SLC35D2: variants seen among roughly 807,000 people sequenced by gnomAD.
The protein encoded by SLC35D2 is solute carrier family 35 member D2, also known as nucleotide sugar transporter SLC35D2.
In SLC35D2, 43 loss-of-function variants were observed where a neutral mutation model predicts 41.8. That is an observed-to-expected ratio of 1.03 (90% CI 0.81 to 1.33). The LOEUF (loss-of-function observed/expected upper bound fraction) is 1.33. Ranked by LOEUF, SLC35D2 falls within the 40% of genes most tolerant of loss-of-function variation. SLC35D2 has a pLI of 0.00. For synonymous variants in SLC35D2, 150 were observed against 163.9 expected (o/e 0.92, Z 0.65); for missense variants, 380 against 408.4 (o/e 0.93, Z 0.60).
intron 2 of SLC35D2, among the ~76,000 whole-genome samples, chr9:96,367,805 T>G (rs1830535533): frequency 6.6e-6 from 1 of 151,606 alleles, no homozygotes; most frequent in African/African-American, 2.4e-5. Flanking sequence ...AAATTCAAAC[T>G]CTCTCTTGAA....
At chr9:96,341,004 T>C (rs962966965) in intron 8 of SLC35D2, among the ~76,000 whole-genome samples, 3 of 152,138 alleles carry the variant, frequency 2.0e-5, no homozygotes, top group Non-Finnish European at 4.4e-5. Context: ...AAGTATATGT[T>C]AGCTGAGCAC....
At chr9:96,382,494 CACTATATA>C (rs1030161700) in intron 1 of SLC35D2, among the ~76,000 whole-genome samples, 1 of 143,650 alleles carries the variant, frequency 7.0e-6, no homozygotes, top group African/African-American at 2.7e-5. Context: ...CACACACACA[CACTATATA>C]TATATATATA....
At chr9:96,343,581 T>C (rs1009921336) in intron 8 of SLC35D2, among the ~76,000 whole-genome samples, 1 of 152,006 alleles carries the variant, frequency 6.6e-6, no homozygotes, top group Non-Finnish European at 1.5e-5. Context: ...ATGATCAAAA[T>C]CCCCTTCTAG....
intron 1 of SLC35D2, among the ~76,000 whole-genome samples, chr9:96,368,695 T>C (rs1200733598): frequency 6.7e-6 from 1 of 149,498 alleles, no homozygotes; most frequent in Non-Finnish European, 1.5e-5. Context: ...CACATATATA[T>C]ATGTGTATAT....
chr9:96,353,652 G>A (rs1265562448), intron 4 of SLC35D2, among the ~76,000 whole-genome samples: 1 of 152,172 alleles, frequency 6.6e-6, no homozygotes. Flanking sequence ...GGCTGAAAAT[G>A]AGTATTTAAA....
At chr9:96,377,783 G>A (rs1475803115) in intron 1 of SLC35D2, among the ~76,000 whole-genome samples, 1 of 152,156 alleles carries the variant, frequency 6.6e-6, no homozygotes, top group Non-Finnish European at 1.5e-5. Context: ...AGGTGGAGAG[G>A]AAGGCTAAGA....
intron 2 of SLC35D2, among the ~76,000 whole-genome samples, chr9:96,365,258 G>A (rs1317297107): frequency 6.6e-6 from 1 of 151,850 alleles, no homozygotes; most frequent in Non-Finnish European, 1.5e-5. Flanking sequence ...ACCGAGGTAG[G>A]AGGACCACCT....
chr9:96,356,359 A>C (rs1238125159), intron 4 of SLC35D2, among the ~76,000 whole-genome samples: 1 of 151,742 alleles, frequency 6.6e-6, no homozygotes, highest in Non-Finnish European at 1.5e-5. Flanking sequence ...ATCCCTATCG[A>C]ATCTTAGCTG....
Position 96,336,936 on chromosome 9 carries a change from T to C in SLC35D2, c.685-152A>G, listed in dbSNP as rs1052802496. On this transcript the variant is annotated intron_variant, in intron 8 of 11. Coordinates refer to ENST00000253270, the MANE Select transcript of SLC35D2 (RefSeq NM_007001.3). ...CCTAGGTCATACTAGTTGTGGGACATTGGGCAAATTTATTTTCTTCCCTGA... is the reference window on the plus strand; with the variant it reads ...CCTAGGTCATACTAGTTGTGGGACACTGGGCAAATTTATTTTCTTCCCTGA... The C allele has an allele frequency of 2.5e-5, 14 of 560,318 alleles. 1 individual carries two copies. The highest frequency in any genetic ancestry group is 2.0e-4 in the South Asian group (8 of 39,594). 34.7% of individuals were successfully genotyped at this position (560,318 alleles called of 1,614,324 possible).
At chr9:96,324,290 C>CAT in intron 9 of SLC35D2, 121 bp from the exon 10 acceptor site, 1 of 683,650 alleles carries the variant, frequency 1.5e-6, no homozygotes, top group Non-Finnish European at 2.4e-6. Context: ...AAACACATAT[C>CAT]ATAAAGGTTT....
chr9:96,315,494 C>T (rs930913376), intron 11 of SLC35D2, among the ~76,000 whole-genome samples: 5 of 145,364 alleles, frequency 3.4e-5, no homozygotes, highest in East Asian at 2.0e-4. Flanking sequence ...AGTGCAGTGG[C>T]GCGATCTCAG....
chr9:96,352,175 GT>G, intron 4 of SLC35D2, 66 bp from the exon 5 acceptor site: 2 of 1,054,052 alleles, frequency 1.9e-6, no homozygotes, highest in Non-Finnish European at 2.8e-6. Flanking sequence ...TCTTTTACAT[GT>G]TTTACATTTT....
At chr9:96,364,621 C>T (rs1830406548) in intron 2 of SLC35D2, 71 bp from the exon 3 acceptor site, 7 of 830,776 alleles carry the variant, frequency 8.4e-6, no homozygotes, top group Non-Finnish European at 1.2e-5. Context: ...ATGACATCAT[C>T]AAAAGAAAAC....
At chr9:96,383,265 G>A (rs1049524263) in intron 1 of SLC35D2, among the ~76,000 whole-genome samples, 1 of 152,198 alleles carries the variant, frequency 6.6e-6, no homozygotes, top group Non-Finnish European at 1.5e-5. Context: ...GGGCAGGCGC[G>A]CTCAGGAAGA....
chr9:96,360,317 G>A, intron 3 of SLC35D2, 96 bp from the exon 4 acceptor site: 2 of 965,246 alleles, frequency 2.1e-6, no homozygotes, highest in Non-Finnish European at 3.1e-6. Flanking sequence ...CACCAGAGAG[G>A]ATCTTCAAAC....
Position 96,336,787 on chromosome 9 carries a change from AT to A in SLC35D2, c.685-4del. The A allele has an allele frequency of 6.5e-7, 1 of 1,535,994 alleles. No homozygotes were observed. The highest frequency in any genetic ancestry group is 1.2e-5 in the South Asian group (1 of 85,126). ...TTCCATTGGTTGAATTCAGTAGCCT[AT>A]TATTAAAAAGAAAAAAACTAATGAT... On this transcript the variant is annotated splice_polypyrimidine_tract_variant and splice_region_variant and intron_variant, in intron 8 of 11. Transcript: ENST00000253270.
At chr9:96,360,985 T>C (rs1167422757) in intron 3 of SLC35D2, among the ~76,000 whole-genome samples, 1 of 152,052 alleles carries the variant, frequency 6.6e-6, no homozygotes, top group Non-Finnish European at 1.5e-5. Flanking sequence ...TCAGGTGATC[T>C]GCCTGCCTCA....
chr9:96,330,422 T>C (rs1828755765), intron 9 of SLC35D2, among the ~76,000 whole-genome samples: 1 of 152,230 alleles, frequency 6.6e-6, no homozygotes, highest in African/African-American at 2.4e-5. Flanking sequence ...TGCTTGTCAA[T>C]TGGCACCCAC....
At chr9:96,358,080 T>TTTATATATATATATATATATATA (rs990002916) in intron 4 of SLC35D2, among the ~76,000 whole-genome samples, 7 of 122,692 alleles carry the variant, frequency 5.7e-5, no homozygotes, top group African/African-American at 2.7e-4. Flanking sequence ...ATTATATATT[T>TTTATATATATATATATATATATA]TATATATATA....
Sources: allele counts gnomAD v4.1 joint callset (sites outside exome capture counted in the v4.1 genomes callset), GRCh38; gene constraint gnomAD v4.1.1; transcripts MANE v1.5; gene names NCBI Gene and HGNC (gene_info 2026-07-23, HGNC 2026-07-21).